The following ZDHHC23 variants were observed in gnomAD, a reference collection of about 807,000 sequenced individuals.
ZDHHC23 encodes the protein palmitoyltransferase ZDHHC23.
ZDHHC23 carries 41 observed loss-of-function variants against 40.2 expected under a neutral mutation model. The observed-to-expected ratio is 1.02, with a 90% CI of 0.79 to 1.32. The LOEUF is 1.32. Among genes scored for constraint, ZDHHC23 ranks in the 40% most tolerant of loss-of-function variants. The probability of loss-of-function intolerance (pLI) is 0.00; values close to 1 mark genes in which losing one functional copy is unlikely to be tolerated. For synonymous variants in ZDHHC23, 204 were observed against 210.2 expected (o/e 0.97, Z 0.26); for missense variants, 471 against 541.5 (o/e 0.87, Z 1.29).
Position 113,948,722 on chromosome 3 carries a change from C to T in ZDHHC23, c.-81C>T, listed in dbSNP as rs1241621590. 1.4e-5 allele frequency: 21 copies of T among 1,530,142 alleles called. No homozygotes were observed. Among genetic ancestry groups the T allele is most frequent in the East Asian group, 4.5e-5 (2 of 44,384 alleles). 94.8% of individuals were successfully genotyped at this position (1,530,142 alleles called of 1,614,324 possible). A position where few individuals can be genotyped will look rare whatever the true frequency, so the allele number is the denominator to read the frequency against. ...TAAGCAGAGAGAGAGAGGCGTGGACCTATTTACGAGATGTAAGTTGTGTTC... is the reference window on the plus strand; with the variant it reads ...TAAGCAGAGAGAGAGAGGCGTGGACTTATTTACGAGATGTAAGTTGTGTTC... On this transcript the variant is annotated 5_prime_UTR_variant, in exon 2 of 5. Transcript: ENST00000638807.
chr3:113,960,240 C>G lies in ZDHHC23; in HGVS notation c.*1610C>G. ...ACTGTTGCCATTAATTGGAGCTGTC[C>G]TTAAGATGGTCACCATATTCTTATT... On this transcript the variant is annotated 3_prime_UTR_variant, in exon 5 of 5. Coordinates refer to ENST00000638807, the MANE Select transcript of ZDHHC23 (RefSeq NM_001320466.2). 1 of 1,006,026 alleles carries G rather than the reference C, an allele frequency of 9.9e-7. No homozygotes were observed. Among genetic ancestry groups the G allele is most frequent in the South Asian group, 4.2e-5 (1 of 23,858 alleles). 62.3% of individuals were successfully genotyped at this position (1,006,026 alleles called of 1,614,324 possible).
rs1939235586 is a variant in ZDHHC23, at chr3:113,956,479, A to G, written c.1013A>G (p.Tyr338Cys). 2 of 1,614,014 alleles carry G rather than the reference A, an allele frequency of 1.2e-6. No individual in the cohort carries two copies. Among genetic ancestry groups the G allele is most frequent in the Non-Finnish European group, 1.7e-6 (2 of 1,179,980 alleles). Residue 338 changes from tyrosine (Y) to cysteine (C), a missense_variant, in exon 4 of 5, where the codon TAT (tyrosine) becomes TGT (cysteine). This residue lies in a region of ZDHHC23 where 346 missense variants were observed against 399.8 expected (regional missense o/e 0.87). Coordinates refer to ENST00000638807, the MANE Select transcript of ZDHHC23 (RefSeq NM_001320466.2). ...AGAAGTGTCTTCACAGCTCTTTTCTATTGTCCTGGAGTTTATGCAAATTAC... is the reference window on the plus strand; with the variant it reads ...AGAAGTGTCTTCACAGCTCTTTTCTGTTGTCCTGGAGTTTATGCAAATTAC... The part of the protein sequence containing the change: ...RDRSVFTALF[Y>C]CPGVYANYSS...
the ZDHHC23 span, among the ~76,000 whole-genome samples, chr3:113,977,605 T>A: frequency 6.6e-6 from 1 of 152,204 alleles, no homozygotes. Context: ...AACTATAGCA[T>A]TGAAGGCTGC....
chr3:113,949,043 G>T, intron 2 of ZDHHC23, 80 bp downstream of exon 2: 1 of 1,548,026 alleles, frequency 6.5e-7, no homozygotes, highest in Non-Finnish European at 8.8e-7. Context: ...TAGCCACCCA[G>T]AATGCTAGAA....
intron 3 of ZDHHC23, among the ~76,000 whole-genome samples, chr3:113,955,446 A>AT (rs1191833849): frequency 3.9e-5 from 6 of 152,198 alleles, no homozygotes; most frequent in African/African-American, 1.4e-4. Flanking sequence ...CTAACAGCAG[A>AT]TATGTGCCCA....
In ZDHHC23 at chr3:113,960,248, G is replaced by C; in HGVS notation, c.*1618G>C. The C allele has an allele frequency of 9.9e-7, 1 of 1,007,488 alleles. No individual in the cohort carries two copies. Among genetic ancestry groups the C allele is most frequent in the South Asian group, 4.2e-5 (1 of 24,058 alleles). 62.4% of individuals were successfully genotyped at this position (1,007,488 alleles called of 1,614,324 possible). The stretch of plus-strand genomic sequence containing the variant: ...CATTAATTGGAGCTGTCCTTAAGAT[G>C]GTCACCATATTCTTATTCAGGCTGT... On this transcript the variant is annotated 3_prime_UTR_variant, in exon 5 of 5. Coordinates refer to ENST00000638807, the MANE Select transcript of ZDHHC23 (RefSeq NM_001320466.2).
At chr3:113,950,113 TCTCTGTACCCCTCTC>T (rs1264417524) in intron 2 of ZDHHC23, among the ~76,000 whole-genome samples, 1 of 152,226 alleles carries the variant, frequency 6.6e-6, no homozygotes, top group Non-Finnish European at 1.5e-5. Context: ...TCCTCTGCTC[TCTCTGTACCCCTCTC>T]CTCTGTGTTT....
chr3:113,953,233 CCA>C (rs1938852853), intron 2 of ZDHHC23, among the ~76,000 whole-genome samples: 1 of 152,160 alleles, frequency 6.6e-6, no homozygotes, highest in South Asian at 2.1e-4. Context: ...AGCACAGATC[CCA>C]CCTTTTCCAC....
At chr3:113,965,209 T>G (rs796891887), downstream of ZDHHC23, 1 of 1,611,662 alleles carries the variant, frequency 6.2e-7, no homozygotes, top group Admixed American at 1.7e-5. Context: ...ATTGCTGATA[T>G]AGCTCGTGGT....
At position 113,960,146 on chromosome 3, in the gene ZDHHC23, AT is replaced by A; in HGVS notation, c.*1519del. Reference sequence around the variant, plus strand: ...CTGTGCATGCTGCTTTAAGCAAGAGATTTATATTTGTTGAGAGGAAATATTG... The same window carrying A: ...CTGTGCATGCTGCTTTAAGCAAGAGATTATATTTGTTGAGAGGAAATATTG... On this transcript the variant is annotated 3_prime_UTR_variant, in exon 5 of 5. Transcript: ENST00000638807. 1.0e-6 allele frequency: 1 copy of A among 990,476 alleles called. No individual in the cohort carries two copies. The highest frequency in any genetic ancestry group is 1.2e-6 in the Non-Finnish European group (1 of 832,888). 61.4% of individuals were successfully genotyped at this position (990,476 alleles called of 1,614,324 possible).
chr3:113,960,529 A>G lies in ZDHHC23; in HGVS notation c.*1899A>G, dbSNP rs1418215400. 1.4e-6 allele frequency: 2 copies of G among 1,419,838 alleles called. No individual in the cohort carries two copies. Among genetic ancestry groups the G allele is most frequent in the Non-Finnish European group, 1.8e-6 (2 of 1,094,610 alleles). The allele number at this position is 1,419,838 out of a possible 1,614,324, so 88.0% of individuals were successfully genotyped here. On this transcript the variant is annotated 3_prime_UTR_variant, in exon 5 of 5. Coordinates refer to ENST00000638807, the MANE Select transcript of ZDHHC23 (RefSeq NM_001320466.2). ...GCTTTTGAATGTCAGCTGTAGAGCC[A>G]ACTCTGATTATCTAGCCATTGATCA... is the stretch of plus-strand genomic sequence containing the variant.
At chr3:113,978,804 T>G in the ZDHHC23 span, 3 of 1,561,732 alleles carry the variant, frequency 1.9e-6, no homozygotes, top group Non-Finnish European at 2.6e-6. Flanking sequence ...TTAGTTTTCT[T>G]AAATAGAATT....
intron 2 of ZDHHC23, among the ~76,000 whole-genome samples, chr3:113,952,320 C>T (rs1938752952): frequency 6.6e-6 from 1 of 152,176 alleles, no homozygotes; most frequent in African/African-American, 2.4e-5. Context: ...TTATAAGTGT[C>T]CAGGATCACC....
chr3:113,976,612 T>C, the ZDHHC23 span, among the ~76,000 whole-genome samples: 1 of 149,488 alleles, frequency 6.7e-6, no homozygotes, highest in African/African-American at 2.5e-5. Flanking sequence ...GGATGTTTAA[T>C]AATAATATAT....
At chr3:113,979,101 C>T in the ZDHHC23 span, 1 of 1,190,744 alleles carries the variant, frequency 8.4e-7, no homozygotes, top group Non-Finnish European at 1.2e-6. Context: ...CTATAAAACA[C>T]ATTTAGGCAG....
upstream of ZDHHC23, chr3:113,947,947 G>A (rs1039772269): frequency 1.8e-4 from 27 of 148,046 alleles, no homozygotes; most frequent in Non-Finnish European, 3.8e-4. Context: ...AGCCGGGCGG[G>A]CGGAGGGGCG....
At chr3:113,965,559 T>A (rs1940043292), downstream of ZDHHC23, among the ~76,000 whole-genome samples, 1 of 152,052 alleles carries the variant, frequency 6.6e-6, no homozygotes, top group Non-Finnish European at 1.5e-5. Context: ...AGTGACTGAT[T>A]GATTGATAGG....
rs918560322 is a variant in ZDHHC23 at position 113,960,247 on chromosome 3, T to C, written c.*1617T>C. 85 of 1,007,094 alleles carry C rather than the reference T, an allele frequency of 8.4e-5. No individual in the cohort carries two copies. Among genetic ancestry groups the C allele is most frequent in the Non-Finnish European group, 9.5e-5 (80 of 843,798 alleles). The allele number at this position is 1,007,094 out of a possible 1,614,324, so 62.4% of individuals were successfully genotyped here. On this transcript the variant is annotated 3_prime_UTR_variant, in exon 5 of 5. Coordinates refer to ENST00000638807, the MANE Select transcript of ZDHHC23 (RefSeq NM_001320466.2). ...CCATTAATTGGAGCTGTCCTTAAGATGGTCACCATATTCTTATTCAGGCTG... is the reference window on the plus strand; with the variant it reads ...CCATTAATTGGAGCTGTCCTTAAGACGGTCACCATATTCTTATTCAGGCTG...
At chr3:113,965,376 G>A (rs1293184126), downstream of ZDHHC23, 6 of 1,493,022 alleles carry the variant, frequency 4.0e-6, no homozygotes, top group Non-Finnish European at 4.5e-6. Flanking sequence ...GAATAAAGAA[G>A]GAAAAAAGTG....
Sources: gnomAD v4.1 joint callset for allele counts (sites outside exome capture counted in the v4.1 genomes callset) on GRCh38, gnomAD v4.1.1 for gene constraint, gnomAD v4.1.1 regional missense constraint, MANE v1.5 for transcripts, NCBI Gene and HGNC (gene_info 2026-07-23, HGNC 2026-07-21) for gene names.